The following PDE4D variants were observed in gnomAD, a reference collection of about 807,000 sequenced individuals.
The protein encoded by PDE4D is phosphodiesterase 4D.
In PDE4D, 24 loss-of-function variants were observed where a neutral mutation model predicts 87.4. That is an observed-to-expected ratio of 0.27 (90% CI 0.20 to 0.39). The LOEUF is 0.39. Ranked by LOEUF, PDE4D falls within the 10% of genes least tolerant of loss-of-function variation. The pLI is 1.00. For synonymous variants in PDE4D, 384 were observed against 383.2 expected, an observed-to-expected ratio of 1.00 and a Z score of -0.02; for missense variants, 714 against 1,041.0, an observed-to-expected ratio of 0.69 and a Z score of 4.32.
At chr5:59,021,272 A>AT (rs991767407) in intron 6 of PDE4D, among the ~76,000 whole-genome samples, 1 of 152,200 alleles carries the variant, frequency 6.6e-6, no homozygotes, top group African/African-American at 2.4e-5. Flanking sequence ...GAGAGTGTAA[A>AT]TAAAAAATAG....
intron 1 of PDE4D, among the ~76,000 whole-genome samples, chr5:59,402,069 G>C (rs1790741195): frequency 6.6e-6 from 1 of 152,206 alleles, no homozygotes; most frequent in Admixed American, 6.5e-5. Context: ...ATAATTCTGA[G>C]AGACAAGATT....
At chr5:59,393,764 A>G (rs2153609789) in intron 1 of PDE4D, among the ~76,000 whole-genome samples, 1 of 152,240 alleles carries the variant, frequency 6.6e-6, no homozygotes, top group East Asian at 1.9e-4. Flanking sequence ...TGCAAAACTC[A>G]TCTTCAATCA....
At chr5:59,218,728 C>T (rs961189668) in intron 1 of PDE4D, among the ~76,000 whole-genome samples, 9 of 151,844 alleles carry the variant, frequency 5.9e-5, no homozygotes, top group African/African-American at 1.9e-4. Context: ...TAAATGACAT[C>T]CAAAAAACAA....
At chr5:59,387,528 C>CT (rs1283961962) in intron 1 of PDE4D, among the ~76,000 whole-genome samples, 1 of 152,070 alleles carries the variant, frequency 6.6e-6, no homozygotes, top group Non-Finnish European at 1.5e-5. Flanking sequence ...AAACAGAAAA[C>CT]TAATAGTTCC....
chr5:60,166,729 T>A (rs965246133), intron 2 of PDE4D, among the ~76,000 whole-genome samples: 2 of 152,220 alleles, frequency 1.3e-5, no homozygotes, highest in African/African-American at 4.8e-5. Flanking sequence ...ATTAAGCATT[T>A]TTTTTAACAC....
intron 2 of PDE4D, 150 bp downstream of exon 2, chr5:59,215,627 T>G: frequency 3.3e-6 from 2 of 609,212 alleles, no homozygotes; most frequent in Non-Finnish European, 2.9e-6. Flanking sequence ...AAATCTACCA[T>G]TCATTTCTAG....
chr5:59,782,638 T>C (rs188009331), intron 1 of PDE4D, among the ~76,000 whole-genome samples: 8 of 152,336 alleles, frequency 5.3e-5, no homozygotes, highest in Admixed American at 5.2e-4. Flanking sequence ...ACTTTTGAGA[T>C]TATAAAGGAA....
At chr5:60,280,346 A>G (rs1239871864) in intron 1 of PDE4D, among the ~76,000 whole-genome samples, 1 of 150,752 alleles carries the variant, frequency 6.6e-6, no homozygotes. Flanking sequence ...ACACACATAT[A>G]TATAAAATAT....
intron 1 of PDE4D, chr5:60,430,882 C>G (rs1228383868): frequency 4.1e-6 from 1 of 246,782 alleles, no homozygotes; most frequent in Admixed American, 5.0e-5. Flanking sequence ...TCAACAGGAT[C>G]CCAAGGCAGA....
chr5:59,586,564 T>C (rs1445733774), intron 1 of PDE4D: 3 of 1,377,694 alleles, frequency 2.2e-6, no homozygotes, highest in Admixed American at 6.5e-5. Context: ...ACAAAAGGCC[T>C]TCCAGGATTT....
At chr5:60,088,256 G>A (rs779463341) in intron 2 of PDE4D, among the ~76,000 whole-genome samples, 3 of 150,254 alleles carry the variant, frequency 2.0e-5, no homozygotes, top group Non-Finnish European at 4.4e-5. Flanking sequence ...AATGCTACAG[G>A]GAATTCTTCA....
At chr5:59,813,773 A>C (rs1357947530) in intron 1 of PDE4D, among the ~76,000 whole-genome samples, 2 of 152,244 alleles carry the variant, frequency 1.3e-5, no homozygotes, top group African/African-American at 4.8e-5. Flanking sequence ...AATGCTTGGC[A>C]CATCACTGTC....
intron 1 of PDE4D, among the ~76,000 whole-genome samples, chr5:59,424,049 A>C (rs1794861359): frequency 6.6e-6 from 1 of 152,078 alleles, no homozygotes; most frequent in African/African-American, 2.4e-5. Context: ...GTGTACCTGC[A>C]ACTGGATAGT....
At chr5:59,373,960 T>C (rs1198865558) in intron 1 of PDE4D, among the ~76,000 whole-genome samples, 2 of 152,108 alleles carry the variant, frequency 1.3e-5, no homozygotes, top group Non-Finnish European at 2.9e-5. Flanking sequence ...TAATATCCTG[T>C]TCAGACAAGC....
chr5:59,827,988 G>A (rs1770524412), intron 1 of PDE4D, among the ~76,000 whole-genome samples: 2 of 152,056 alleles, frequency 1.3e-5, no homozygotes, highest in Non-Finnish European at 2.9e-5. Context: ...TGTTTATAGA[G>A]ATTAGGAGAA....
At chr5:60,481,638 C>T (rs1016942100) in intron 1 of PDE4D, among the ~76,000 whole-genome samples, 2 of 152,124 alleles carry the variant, frequency 1.3e-5, no homozygotes, top group African/African-American at 4.8e-5. Context: ...TTTCATCTTC[C>T]TTGACAATTG....
chr5:59,891,811 C>G (rs1407409071), intron 1 of PDE4D, among the ~76,000 whole-genome samples: 1 of 108,670 alleles, frequency 9.2e-6, no homozygotes, highest in Non-Finnish European at 2.0e-5. Flanking sequence ...ACACACAAAA[C>G]TCAAACACAC....
chr5:59,772,581 T>C (rs1225693910), intron 1 of PDE4D, among the ~76,000 whole-genome samples: 1 of 152,216 alleles, frequency 6.6e-6, no homozygotes, highest in Admixed American at 6.5e-5. Context: ...TCACAGGTTC[T>C]GACACAAAAA....
At chr5:60,071,521 T>C (rs549260774) in intron 2 of PDE4D, among the ~76,000 whole-genome samples, 46 of 152,274 alleles carry the variant, frequency 3.0e-4, no homozygotes, top group Non-Finnish European at 5.9e-4. Flanking sequence ...CAAATATTAT[T>C]CAAAAGATTT....
Sources: gnomAD v4.1 joint callset for allele counts (sites outside exome capture counted in the v4.1 genomes callset) on GRCh38, gnomAD v4.1.1 for gene constraint, MANE v1.5 for transcripts, NCBI Gene and HGNC (gene_info 2026-07-23, HGNC 2026-07-21) for gene names.